The following CD226 variants were observed in gnomAD, a reference collection of about 807,000 sequenced individuals.
CD226 encodes CD226 antigen.
Under a neutral mutation model 34.9 loss-of-function variants are expected in CD226, and 24 were observed. The observed-to-expected ratio is 0.69, with a 90% CI of 0.50 to 0.97. The LOEUF is 0.97. CD226 is among the 50% of genes least tolerant of loss of function. CD226 has a pLI of 0.00. For missense variants in CD226, 397 were observed against 412.7 expected, an observed-to-expected ratio of 0.96 and a Z score of 0.33; for synonymous variants, 148 against 147.4, an observed-to-expected ratio of 1.00 and a Z score of -0.03.
In CD226 at chr18:69,865,993, T is replaced by C. The variant is rs1370045013; in HGVS notation, c.885+1364A>G. ...GTTCTGGAGGCTGGGAAGTCCAAGATTAAGAAAATATTTTCCTAACTTGAG... is the reference window on the plus strand; with the variant it reads ...GTTCTGGAGGCTGGGAAGTCCAAGACTAAGAAAATATTTTCCTAACTTGAG... On this transcript the variant is annotated intron_variant, in intron 5 of 5. Coordinates refer to ENST00000582621, the MANE Select transcript of CD226 (RefSeq NM_001303618.2). Among the ~76,000 whole-genome samples, 8 of 145,542 alleles carry C rather than the reference T, an allele frequency of 5.5e-5. No homozygotes were observed. The Admixed American group carries it at 5.8e-4, about 11-fold the overall frequency.
intron 4 of CD226, among the ~76,000 whole-genome samples, chr18:69,870,267 T>TC (rs1177394302): frequency 0.053 from 7,374 of 139,568 alleles, 624 homozygotes; most frequent in African/African-American, 0.17. Flanking sequence ...ACAGTTTGGC[T>TC]CCCCCTTTTT....
chr18:69,927,880 T>C (rs1286282704), intron 2 of CD226, among the ~76,000 whole-genome samples: 1 of 152,254 alleles, frequency 6.6e-6, no homozygotes, highest in Non-Finnish European at 1.5e-5. Flanking sequence ...TTGTGAATAA[T>C]GCTGTTATGA....
At chr18:69,904,202 A>G (rs545719876) in intron 2 of CD226, among the ~76,000 whole-genome samples, 2 of 152,356 alleles carry the variant, frequency 1.3e-5, no homozygotes, top group Admixed American at 6.5e-5. Flanking sequence ...AGGCAAGGCC[A>G]TTTGTGGAAA....
chr18:69,895,578 AT>A, intron 3 of CD226, 122 bp downstream of exon 3: 2 of 727,540 alleles, frequency 2.7e-6, no homozygotes, highest in South Asian at 3.5e-5. Flanking sequence ...AAATTCAGCC[AT>A]TTAAAAAAAT....
chr18:69,936,287 C>T (rs2055652649), intron 2 of CD226, among the ~76,000 whole-genome samples: 1 of 152,098 alleles, frequency 6.6e-6, no homozygotes, highest in South Asian at 2.1e-4. Flanking sequence ...TTGATTCCCA[C>T]AGTGACATGT....
intron 3 of CD226, among the ~76,000 whole-genome samples, chr18:69,875,160 C>A: frequency 6.6e-6 from 1 of 151,980 alleles, no homozygotes; most frequent in Admixed American, 6.6e-5. Context: ...ATTTTTGGGA[C>A]AGAGTTTCAC....
chr18:69,867,982 A>T (rs561200512), intron 4 of CD226, among the ~76,000 whole-genome samples: 4 of 152,198 alleles, frequency 2.6e-5, no homozygotes, highest in Non-Finnish European at 4.4e-5. Flanking sequence ...GTAGTGCTGG[A>T]ATTTAAATCC....
chr18:69,955,322 GC>G (rs2055887043), intron 1 of CD226, among the ~76,000 whole-genome samples: 1 of 152,170 alleles, frequency 6.6e-6, no homozygotes, highest in Non-Finnish European at 1.5e-5. Context: ...CCCAGTTTAT[GC>G]AAAAACACCT....
chr18:69,947,338 G>C (rs373121655), intron 1 of CD226, 23 bp downstream of exon 1: 4 of 1,469,300 alleles, frequency 2.7e-6, no homozygotes, highest in Non-Finnish European at 2.8e-6. Flanking sequence ...ACTTTTAAAT[G>C]AAAATATAAA....
At chr18:69,956,635 T>C (rs1568213042) in intron 1 of CD226, 1 of 151,126 alleles carries the variant, frequency 6.6e-6, no homozygotes, top group Non-Finnish European at 1.5e-5. Context: ...CCGGCAACTC[T>C]CTTGTCCTGC....
chr18:69,911,892 T>C (rs1220802413), intron 2 of CD226, among the ~76,000 whole-genome samples: 1 of 152,146 alleles, frequency 6.6e-6, no homozygotes. Flanking sequence ...GAACTAAGAG[T>C]CTTTGCCCAC....
intron 3 of CD226, 102 bp downstream of exon 3, chr18:69,895,599 G>T: frequency 1.2e-6 from 1 of 824,790 alleles, no homozygotes; most frequent in Non-Finnish European, 2.0e-6. Context: ...TGCTGAATAT[G>T]CGCATTAAAT....
rs2145165683 is a variant in CD226, at chr18:69,861,571, T to TATATATATATA, written c.*2742_*2743insTATATATATAT. On this transcript the variant is annotated 3_prime_UTR_variant, in exon 6 of 6. Transcript: ENST00000582621. ...ATATATATGTATATATATATATATA[T>TATATATATATA]ATGTAAAACTTAAGAAGCATTTTGC... 6.8e-6 allele frequency: 1 copy of TATATATATATA among 146,720 alleles called. No homozygotes were observed. Among genetic ancestry groups the TATATATATATA allele is most frequent in the East Asian group, 2.0e-4 (1 of 5,062 alleles). 9.1% of individuals were successfully genotyped at this position (146,720 alleles called of 1,614,324 possible). A position where few individuals can be genotyped will look rare whatever the true frequency, so the allele number is the denominator to read the frequency against.
At chr18:69,889,846 T>C (rs1046546684) in intron 3 of CD226, among the ~76,000 whole-genome samples, 1 of 152,364 alleles carries the variant, frequency 6.6e-6, no homozygotes, top group African/African-American at 2.4e-5. Context: ...TGTGGCACTA[T>C]GATTTCCTAG....
chr18:69,925,369 C>G (rs2055508347), intron 2 of CD226, among the ~76,000 whole-genome samples: 1 of 152,130 alleles, frequency 6.6e-6, no homozygotes, highest in Non-Finnish European at 1.5e-5. Flanking sequence ...TGCAAATTCA[C>G]CTGCTAGAAT....
intron 3 of CD226, among the ~76,000 whole-genome samples, chr18:69,888,914 CAAT>C (rs1465921481): frequency 6.6e-6 from 1 of 151,924 alleles, no homozygotes; most frequent in African/African-American, 2.4e-5. Context: ...CTTATCTATA[CAAT>C]AATAGTATGT....
At position 69,910,526 on chromosome 18, in the gene CD226, T is replaced by C. The variant is rs111978079; in HGVS notation, c.383-14481A>G. ...CAGGGTTGTGAAAAGCAAGGAGAGATAGAAACTGTCACAGATCAGAGGAAA... is the reference window on the plus strand; with the variant it reads ...CAGGGTTGTGAAAAGCAAGGAGAGACAGAAACTGTCACAGATCAGAGGAAA... On this transcript the variant is annotated intron_variant, in intron 2 of 5. Transcript: ENST00000582621. 3.6e-3 allele frequency among the ~76,000 whole-genome samples: 547 copies of C among 152,268 alleles called. 2 individuals are homozygous for C. Among genetic ancestry groups the C allele is most frequent in the African/African-American group, 0.012 (508 of 41,538 alleles).
chr18:69,879,856 G>A (rs1984109199), intron 3 of CD226, among the ~76,000 whole-genome samples: 1 of 152,166 alleles, frequency 6.6e-6, no homozygotes, highest in South Asian at 2.1e-4. Context: ...TTTCCCAGTG[G>A]ATTCAGATGA....
rs1465586406 is a variant in CD226, at chr18:69,931,759, T to A, written c.382+14975A>T. On this transcript the variant is annotated intron_variant, in intron 2 of 5. Transcript: ENST00000582621. ...CACTAGGAATAAAATTCATCTTGAA[T>A]ATGCCCCATCTGCTTTATCCCCACT... 2.6e-5 allele frequency among the ~76,000 whole-genome samples: 4 copies of A among 152,374 alleles called. No homozygotes were observed. In the East Asian group the frequency reaches 7.7e-4, roughly 29 times the overall value.
Sources: allele counts gnomAD v4.1 joint callset (sites outside exome capture counted in the v4.1 genomes callset), GRCh38; gene constraint gnomAD v4.1.1; transcripts MANE v1.5; gene names NCBI Gene and HGNC (gene_info 2026-07-23, HGNC 2026-07-21).